The following ULK2 variants were observed in gnomAD, a reference collection of about 807,000 sequenced individuals.
ULK2 encodes unc-51 like autophagy activating kinase 2, also known as serine/threonine-protein kinase ULK2.
ULK2 carries 76 observed loss-of-function variants against 127.5 expected under a neutral mutation model. That is an observed-to-expected ratio of 0.60 (90% confidence interval 0.50 to 0.72). The LOEUF is 0.72. ULK2 is among the 30% of genes least tolerant of loss of function. The probability of loss-of-function intolerance (pLI) is 0.00; values close to 1 mark genes in which losing one functional copy is unlikely to be tolerated. For missense variants in ULK2, 1,144 were observed against 1,295.9 expected, an observed-to-expected ratio of 0.88 and a Z score of 1.80; for synonymous variants, 452 against 461.9, an observed-to-expected ratio of 0.98 and a Z score of 0.28.
chr17:19,796,083 A>G lies in ULK2; in HGVS notation c.1997+12T>C, dbSNP rs941256186. The G allele has an allele frequency of 6.3e-7, 1 of 1,592,684 alleles. No homozygotes were observed. The highest frequency in any genetic ancestry group is 8.5e-7 in the Non-Finnish European group (1 of 1,172,122). ...TTTCATGTTTAATGCTAGAATGGAA[A>G]CAGTCTTTTACCTGCCAAACACTGC... On this transcript the variant is annotated intron_variant, in intron 19 of 26. Coordinates refer to ENST00000395544, the MANE Select transcript of ULK2 (RefSeq NM_014683.4).
chr17:19,785,696 CA>C (rs1315200089), intron 21 of ULK2, among the ~76,000 whole-genome samples: 1 of 151,820 alleles, frequency 6.6e-6, no homozygotes, highest in Non-Finnish European at 1.5e-5. Flanking sequence ...ACATATACAA[CA>C]TATATTTATA....
intron 3 of ULK2, among the ~76,000 whole-genome samples, 188 bp downstream of exon 3, chr17:19,864,615 A>G (rs1252115175): frequency 1.3e-5 from 2 of 152,222 alleles, no homozygotes; most frequent in Admixed American, 6.5e-5. Flanking sequence ...TTACTCATGC[A>G]GCAAATTCTT....
At chr17:19,840,293 C>A in intron 9 of ULK2, 1 of 525,406 alleles carries the variant, frequency 1.9e-6, no homozygotes, top group Non-Finnish European at 3.9e-6. Flanking sequence ...ACCCCAACCG[C>A]AGAGGGCTCA....
chr17:19,810,586 T>G, intron 13 of ULK2, 148 bp from the exon 14 acceptor site: 2 of 561,094 alleles, frequency 3.6e-6, no homozygotes, highest in Non-Finnish European at 6.4e-6. Flanking sequence ...AAATAATAGA[T>G]GACCTCAGAA....
chr17:19,814,439 T>TATATACACACATATATA, intron 13 of ULK2, among the ~76,000 whole-genome samples: 1 of 10,002 alleles, frequency 1.0e-4, no homozygotes, highest in African/African-American at 2.1e-4. Context: ...TATATATATA[T>TATATACACACATATATA]TTTTTTTTTT....
At position 19,810,400 on chromosome 17, in the gene ULK2, T is replaced by A. The variant is rs746803960; in HGVS notation, c.1135A>T (p.Asn379Tyr). The change falls in exon 14 of 27, where the codon AAT becomes TAT. Residue 379 changes from asparagine (N) to tyrosine (Y), a missense_variant. Asn to Tyr is a moderately radical substitution (Grantham distance 143). Transcript: ENST00000395544. ...TACCCTCCACACACCAAGAATTCAT[T>A]TGAAGCACGTCTGCCAGCAGTCCCC... ...PVGTAGRRASNEFLVCGGQCQ... is the reference protein window; with the variant it reads ...PVGTAGRRASYEFLVCGGQCQ... The A allele has an allele frequency of 6.2e-7, 1 of 1,608,274 alleles. No individual in the cohort carries two copies. The highest frequency in any genetic ancestry group is 8.5e-7 in the Non-Finnish European group (1 of 1,175,600).
At chr17:19,839,964 T>TATAC (rs924482997) in intron 9 of ULK2, among the ~76,000 whole-genome samples, 1 of 147,594 alleles carries the variant, frequency 6.8e-6, no homozygotes, top group African/African-American at 2.5e-5. Flanking sequence ...TACACACACA[T>TATAC]ACACACACAC....
chr17:19,794,773 G>A (rs1567681454), intron 20 of ULK2, among the ~76,000 whole-genome samples: 1 of 151,600 alleles, frequency 6.6e-6, no homozygotes, highest in Non-Finnish European at 1.5e-5. Flanking sequence ...AAATCTGGGT[G>A]TCCACAATAA....
Position 19,796,286 on chromosome 17 carries a change from A to G in ULK2, c.1810-4T>C. ...GGATTTTGAAAGGAGCTGTGGTCTA[A>G]AGAGACATATATATATATATATATG... On this transcript the variant is annotated splice_polypyrimidine_tract_variant and splice_region_variant and intron_variant, in intron 18 of 26. Coordinates refer to ENST00000395544, the MANE Select transcript of ULK2 (RefSeq NM_014683.4). The G allele has an allele frequency of 6.7e-7, 1 of 1,483,806 alleles. No individual in the cohort carries two copies. Among genetic ancestry groups the G allele is most frequent in the Non-Finnish European group, 8.9e-7 (1 of 1,122,680 alleles). The allele number at this position is 1,483,806 out of a possible 1,614,324, so 91.9% of individuals were successfully genotyped here. A position where few individuals can be genotyped will look rare whatever the true frequency, so the allele number is the denominator to read the frequency against.
chr17:19,809,530 G>A (rs539408932), intron 14 of ULK2, among the ~76,000 whole-genome samples: 1 of 151,266 alleles, frequency 6.6e-6, no homozygotes, highest in Non-Finnish European at 1.5e-5. Context: ...TCAGGAGTTT[G>A]AGACCAGCCT....
At chr17:19,782,939 C>CAAATAAAT (rs538237566) in intron 22 of ULK2, among the ~76,000 whole-genome samples, 7 of 151,046 alleles carry the variant, frequency 4.6e-5, no homozygotes, top group Admixed American at 1.3e-4. Context: ...AACAAACAAA[C>CAAATAAAT]AAATAAATAA....
intron 15 of ULK2, among the ~76,000 whole-genome samples, chr17:19,802,323 C>T (rs1297666247): frequency 6.6e-6 from 1 of 151,844 alleles, no homozygotes; most frequent in African/African-American, 2.4e-5. Context: ...TACTGAAGAC[C>T]CCAGAGAGTT....
chr17:19,842,621 C>T (rs552900326), intron 8 of ULK2, among the ~76,000 whole-genome samples: 2 of 152,196 alleles, frequency 1.3e-5, no homozygotes, highest in African/African-American at 4.8e-5. Flanking sequence ...GAGAAATCAT[C>T]GTGATTATAC....
At position 19,838,575 on chromosome 17, in the gene ULK2, C is replaced by G; in HGVS notation, c.713G>C (p.Arg238Thr). ...ATTAGCCAAATAAGGTGATGTTTCT[C>G]TGGGAATACTGGGGGAAAGGAAAAA... is the stretch of plus-strand genomic sequence containing the variant. ...KNRSLMPSIP[R>T]ETSPYLANLL... The change falls in exon 10 of 27, where the codon AGA (arginine) becomes ACA (threonine). Residue 238 changes from arginine to threonine, a missense_variant. This residue lies in a region of ULK2 where 231 missense variants were observed against 325.4 expected (regional missense o/e 0.71). Coordinates refer to ENST00000395544, the MANE Select transcript of ULK2 (RefSeq NM_014683.4). The G allele has an allele frequency of 6.2e-7, 1 of 1,612,384 alleles. No homozygotes were observed. Among genetic ancestry groups the G allele is most frequent in the Non-Finnish European group, 8.5e-7 (1 of 1,179,528 alleles).
At chr17:19,802,461 T>G (rs918698802) in intron 15 of ULK2, among the ~76,000 whole-genome samples, 2 of 152,200 alleles carry the variant, frequency 1.3e-5, no homozygotes, top group African/African-American at 4.8e-5. Context: ...AAGCATATTT[T>G]CCAAAACAAA....
chr17:19,862,256 C>T (rs976291189), intron 3 of ULK2, among the ~76,000 whole-genome samples: 1 of 151,852 alleles, frequency 6.6e-6, no homozygotes, highest in Non-Finnish European at 1.5e-5. Context: ...GCCACCACAC[C>T]CAGCTGATTT....
intron 21 of ULK2, among the ~76,000 whole-genome samples, chr17:19,785,659 A>G (rs1472622524): frequency 6.6e-6 from 1 of 151,996 alleles, no homozygotes; most frequent in Admixed American, 6.6e-5. Flanking sequence ...AAGAAGTCAT[A>G]TTTATACTAT....
chr17:19,822,672 T>C (rs190085756), intron 12 of ULK2, among the ~76,000 whole-genome samples: 1 of 151,638 alleles, frequency 6.6e-6, no homozygotes, highest in African/African-American at 2.4e-5. Flanking sequence ...CCGGCCCGTT[T>C]ACTGTTTTTT....
intron 3 of ULK2, among the ~76,000 whole-genome samples, chr17:19,860,139 A>C (rs1427181598): frequency 6.6e-6 from 1 of 152,250 alleles, no homozygotes; most frequent in Non-Finnish European, 1.5e-5. Flanking sequence ...ATAAATGTTT[A>C]GAAAATTCTA....
Sources: gnomAD v4.1 joint callset for allele counts (sites outside exome capture counted in the v4.1 genomes callset) on GRCh38, gnomAD v4.1.1 for gene constraint, gnomAD v4.1.1 regional missense constraint, MANE v1.5 for transcripts, NCBI Gene and HGNC (gene_info 2026-07-23, HGNC 2026-07-21) for gene names.